Variants in NEO1 observed in about 807,000 individuals in gnomAD.
NEO1 encodes neogenin 1.
Under a neutral mutation model 159.7 loss-of-function variants are expected in NEO1, and 63 were observed. The observed-to-expected ratio is 0.39, with a 90% CI of 0.32 to 0.49. The LOEUF (loss-of-function observed/expected upper bound fraction) is 0.49, where lower values mean the gene tolerates loss of function less well. Ranked by LOEUF, NEO1 falls within the 20% of genes least tolerant of loss-of-function variation. NEO1 has a pLI of 0.85. For missense variants in NEO1, 1,615 were observed against 1,831.0 expected, an observed-to-expected ratio of 0.88 and a Z score of 2.15; for synonymous variants, 633 against 662.0, an observed-to-expected ratio of 0.96 and a Z score of 0.67.
At chr15:73,210,848 C>T (rs573463533) in intron 7 of NEO1, among the ~76,000 whole-genome samples, 9 of 152,138 alleles carry the variant, frequency 5.9e-5, no homozygotes, top group East Asian at 1.9e-4. Context: ...GGTTTATTTA[C>T]GCACTATATA....
At chr15:73,065,704 T>C (rs1039593675) in intron 1 of NEO1, among the ~76,000 whole-genome samples, 1 of 152,226 alleles carries the variant, frequency 6.6e-6, no homozygotes, top group African/African-American at 2.4e-5. Context: ...TTTATCCCGC[T>C]TATTGAGCTT....
At chr15:73,061,232 C>T (rs950440497) in intron 1 of NEO1, among the ~76,000 whole-genome samples, 2 of 152,206 alleles carry the variant, frequency 1.3e-5, no homozygotes, top group African/African-American at 2.4e-5. Context: ...AGGAAAGATA[C>T]TTAAAATAAG....
intron 26 of NEO1, 65 bp from the exon 27 acceptor site, chr15:73,298,283 A>G: frequency 6.3e-7 from 1 of 1,594,620 alleles, no homozygotes; most frequent in Non-Finnish European, 8.6e-7. Context: ...GAAGTAGCCA[A>G]ACTGTGGGAC....
intron 3 of NEO1, among the ~76,000 whole-genome samples, chr15:73,125,009 A>G (rs2029991953): frequency 6.6e-6 from 1 of 152,226 alleles, no homozygotes; most frequent in Non-Finnish European, 1.5e-5. Context: ...TTGCTTTTAC[A>G]TGACAGAGGT....
rs150068275 is a variant in NEO1, at chr15:73,277,060, C to A, written c.3194-1071C>A. ...TTGTGAAGTGGATACCATTATTATC[C>A]CTGTGTTACAATGAGAAAACTGAGG... On this transcript the variant is annotated intron_variant, in intron 21 of 28. Coordinates refer to ENST00000261908, the MANE Select transcript of NEO1 (RefSeq NM_002499.4). Among the ~76,000 whole-genome samples, 355 of 152,106 alleles carry A rather than the reference C, an allele frequency of 2.3e-3. 1 individual carries two copies. The highest frequency in any genetic ancestry group is 7.4e-3 in the African/African-American group (305 of 41,480).
rs1173311874 is a variant in NEO1 at position 73,298,516 on chromosome 15, A to G, written c.4070A>G (p.His1357Arg). 1 of 1,613,792 alleles carries G rather than the reference A, an allele frequency of 6.2e-7. No homozygotes were observed. Among genetic ancestry groups the G allele is most frequent in the Admixed American group, 1.7e-5 (1 of 59,966 alleles). The change falls in exon 27 of 29, where the codon CAC (histidine) becomes CGC (arginine). Residue 1357 changes from histidine to arginine, a missense_variant. Physicochemically the swap from His to Arg is conservative, Grantham distance 29. Around this residue, in one of 3 missense-constraint regions of NEO1, gnomAD observed 471 missense variants for 498.9 expected, o/e 0.94. Coordinates refer to ENST00000261908, the MANE Select transcript of NEO1 (RefSeq NM_002499.4). The stretch of plus-strand genomic sequence containing the variant: ...CCCACTGCCCATGTTCGCCCTTCCC[A>G]CCCATTGAAGAGCTTCGCCGTGCCA... ...SLPTAHVRPSHPLKSFAVPAI... is the reference protein window; with the variant it reads ...SLPTAHVRPSRPLKSFAVPAI...
chr15:73,179,504 G>A (rs1363639751), intron 7 of NEO1, among the ~76,000 whole-genome samples: 1 of 152,222 alleles, frequency 6.6e-6, no homozygotes, highest in Non-Finnish European at 1.5e-5. Flanking sequence ...TGGATCAGGT[G>A]TAAGGGGAAG....
At position 73,189,662 on chromosome 15, in the gene NEO1, G is replaced by A. The variant is rs1414547852; in HGVS notation, c.1291+11235G>A. On this transcript the variant is annotated intron_variant, in intron 7 of 28. Coordinates refer to ENST00000261908, the MANE Select transcript of NEO1 (RefSeq NM_002499.4). ...ATATATACTGGCCATAGGCCAGCTGGCTAGTGCTGGGCTGCAAGAAGCTGC... is the reference window on the plus strand; with the variant it reads ...ATATATACTGGCCATAGGCCAGCTGACTAGTGCTGGGCTGCAAGAAGCTGC... Among the ~76,000 whole-genome samples the A allele has an allele frequency of 2.6e-5, 4 of 152,232 alleles. No homozygotes were observed. The South Asian group carries it at 6.2e-4, about 24-fold the overall frequency.
At chr15:73,110,230 A>T (rs963555205) in intron 1 of NEO1, among the ~76,000 whole-genome samples, 2 of 152,154 alleles carry the variant, frequency 1.3e-5, no homozygotes, top group Non-Finnish European at 2.9e-5. Context: ...AGTAGTAAAA[A>T]AAGAAAAATA....
chr15:73,065,565 A>G (rs1039947686), intron 1 of NEO1, among the ~76,000 whole-genome samples: 4 of 152,122 alleles, frequency 2.6e-5, no homozygotes, highest in South Asian at 2.1e-4. Flanking sequence ...TAAGAAGTCA[A>G]CTGTCTTATT....
chr15:73,195,403 T>C (rs1458015026), intron 7 of NEO1, among the ~76,000 whole-genome samples: 2 of 152,228 alleles, frequency 1.3e-5, no homozygotes, highest in Non-Finnish European at 2.9e-5. Flanking sequence ...ATAGTTTCCA[T>C]GCTGCGTCTG....
rs193211722 is a variant in NEO1 at position 73,136,179 on chromosome 15, T to C, written c.1015+152T>C. 57 of 527,046 alleles carry C rather than the reference T, an allele frequency of 1.1e-4. No homozygotes were observed. In the East Asian group the frequency reaches 1.9e-3, roughly 18 times the overall value. The allele number at this position is 527,046 out of a possible 1,614,324, so 32.6% of individuals were successfully genotyped here. A position where few individuals can be genotyped will look rare whatever the true frequency, so the allele number is the denominator to read the frequency against. Reference sequence around the variant, plus strand: ...CTGCTTGGGTTTAAATTCTAAATCTTATATTTCCTAGATATATGACTATAG... The same window carrying C: ...CTGCTTGGGTTTAAATTCTAAATCTCATATTTCCTAGATATATGACTATAG... On this transcript the variant is annotated intron_variant, in intron 5 of 28. Coordinates refer to ENST00000261908, the MANE Select transcript of NEO1 (RefSeq NM_002499.4).
chr15:73,207,781 CTTCTT>C (rs537704746), intron 7 of NEO1, among the ~76,000 whole-genome samples: 209 of 152,134 alleles, frequency 1.4e-3, no homozygotes, highest in African/African-American at 4.9e-3. Flanking sequence ...TTCAGTTTAA[CTTCTT>C]TAATTTATAA....
In NEO1 at chr15:73,052,584, G is replaced by A; in HGVS notation, c.-92G>A. The A allele has an allele frequency of 3.7e-6, 3 of 804,476 alleles. No homozygotes were observed. Among genetic ancestry groups the A allele is most frequent in the Non-Finnish European group, 4.8e-6 (3 of 625,160 alleles). The allele number at this position is 804,476 out of a possible 1,614,324, so 49.8% of individuals were successfully genotyped here. ...AGCGGCGGCCGCGGGAGCCGAGCTT[G>A]CAGCGAGGGACCGGCTGAGGCGCGC... On this transcript the variant is annotated 5_prime_UTR_variant, in exon 1 of 29. Transcript: ENST00000261908.
At chr15:73,109,787 A>G (rs1004664436) in intron 1 of NEO1, among the ~76,000 whole-genome samples, 1 of 152,190 alleles carries the variant, frequency 6.6e-6, no homozygotes, top group East Asian at 1.9e-4. Flanking sequence ...ATATATGTTT[A>G]TCAGACAATT....
intron 7 of NEO1, among the ~76,000 whole-genome samples, chr15:73,235,079 AT>A (rs2039100200): frequency 1.3e-5 from 2 of 152,048 alleles, no homozygotes; most frequent in South Asian, 4.2e-4. Flanking sequence ...CTATCTAGAG[AT>A]TTTAGGTTGG....
chr15:73,120,279 T>G (rs1673368644), intron 2 of NEO1, among the ~76,000 whole-genome samples: 1 of 151,918 alleles, frequency 6.6e-6, no homozygotes, highest in Non-Finnish European at 1.5e-5. Flanking sequence ...TCTTCTGATA[T>G]TCTGGTTTCT....
chr15:73,240,671 C>A (rs1001559111), intron 8 of NEO1, among the ~76,000 whole-genome samples: 1 of 152,076 alleles, frequency 6.6e-6, no homozygotes, highest in African/African-American at 2.4e-5. Context: ...GTCAGGGAGA[C>A]AAAATTGGGT....
At chr15:73,254,213 G>A (rs544089835) in intron 12 of NEO1, among the ~76,000 whole-genome samples, 16 of 151,998 alleles carry the variant, frequency 1.1e-4, no homozygotes, top group African/African-American at 3.9e-4. Flanking sequence ...AAGTACTATA[G>A]GGCTCCTTTT....
Sources: gnomAD v4.1 joint callset for allele counts (sites outside exome capture counted in the v4.1 genomes callset) on GRCh38, gnomAD v4.1.1 for gene constraint, gnomAD v4.1.1 regional missense constraint, MANE v1.5 for transcripts, NCBI Gene and HGNC (gene_info 2026-07-23, HGNC 2026-07-21) for gene names.